Variants in UNK observed in about 807,000 individuals in gnomAD.
The protein encoded by UNK is unk zinc finger, also known as RING finger protein unkempt homolog.
Under a neutral mutation model 97.6 loss-of-function variants are expected in UNK, and 32 were observed. The ratio of observed to expected loss-of-function variants is 0.33; its 90% CI spans 0.25 to 0.44. The LOEUF is 0.44. UNK is among the 20% of genes least tolerant of loss of function. UNK has a pLI of 1.00. For missense variants in UNK, 771 were observed against 1,098.4 expected, an observed-to-expected ratio of 0.70 and a Z score of 4.21; for synonymous variants, 441 against 461.2, an observed-to-expected ratio of 0.96 and a Z score of 0.56.
chr17:75,816,890 C>G lies in UNK; in HGVS notation c.1082C>G (p.Pro361Arg). The change falls in exon 8 of 16, where the codon CCG becomes CGG. Residue 361 changes from proline to arginine, a missense_variant. Physicochemically the swap from Pro to Arg is moderately radical, Grantham distance 103. Coordinates refer to ENST00000589666, the MANE Select transcript of UNK (RefSeq NM_001080419.3). The surrounding 1 kb of genome is among the most constrained non-coding windows in gnomAD (Gnocchi z 4.0). ...GDSVPVSPSSPHAPDLSALLC... is the reference protein window; with the variant it reads ...GDSVPVSPSSRHAPDLSALLC... Reference sequence around the variant, plus strand: ...TCGGTGCCTGTGAGCCCCTCCAGCCCGCATGCCCCTGACCTCAGTGCCGTA... The same window carrying G: ...TCGGTGCCTGTGAGCCCCTCCAGCCGGCATGCCCCTGACCTCAGTGCCGTA... 1 of 1,605,402 alleles carries G rather than the reference C, an allele frequency of 6.2e-7. No individual in the cohort carries two copies. The highest frequency in any genetic ancestry group is 1.3e-5 in the African/African-American group (1 of 75,006).
Position 75,813,893 on chromosome 17 carries a change from AG to A in UNK, c.876+18del. 1 of 1,556,236 alleles carries A rather than the reference AG, an allele frequency of 6.4e-7. No individual in the cohort carries two copies. On this transcript the variant is annotated intron_variant, in intron 6 of 15. Coordinates refer to ENST00000589666, the MANE Select transcript of UNK (RefSeq NM_001080419.3). ...TCCACCCCGAGGTGGGCCCCACAGC[AG>A]GGTGGGGGGGTGGCTTTGGGAAGTA...
intron 1 of UNK, chr17:75,785,241 A>C (rs2061697632): frequency 4.3e-6 from 2 of 469,254 alleles, no homozygotes. Flanking sequence ...TGCAGAGTGC[A>C]CTCTCCCTAG....
chr17:75,821,311 G>A (rs2062065832), intron 13 of UNK: 1 of 450,458 alleles, frequency 2.2e-6, no homozygotes, highest in Non-Finnish European at 4.5e-6. Flanking sequence ...ACAGGTGTAA[G>A]TGCAACAGTC....
At chr17:75,814,729 A>G (rs2062001803) in intron 6 of UNK, among the ~76,000 whole-genome samples, 1 of 152,160 alleles carries the variant, frequency 6.6e-6, no homozygotes, top group Admixed American at 6.5e-5. Context: ...AGACACGCGG[A>G]CAGAAACTAC....
intron 1 of UNK, among the ~76,000 whole-genome samples, chr17:75,799,071 CAA>C (rs764969741): frequency 1.5e-5 from 2 of 135,166 alleles, no homozygotes; most frequent in Admixed American, 7.4e-5. Flanking sequence ...ATCTCAAAAA[CAA>C]AAAAAAAAAA....
intron 13 of UNK, among the ~76,000 whole-genome samples, chr17:75,820,748 G>A (rs77528055): frequency 0.031 from 4,670 of 152,244 alleles, 259 homozygotes; most frequent in African/African-American, 0.11. Flanking sequence ...TGTGTCAGGG[G>A]ATGTTCCTGA....
rs977543813 is a variant in UNK, at chr17:75,825,068, G to A, written c.*651G>A. On this transcript the variant is annotated 3_prime_UTR_variant, in exon 16 of 16. Coordinates refer to ENST00000589666, the MANE Select transcript of UNK (RefSeq NM_001080419.3). This position sits in a 1 kb window ranked among gnomAD's most constrained non-coding sequence, Gnocchi z 4.4. The stretch of plus-strand genomic sequence containing the variant: ...TTACCAAATGTTAATTTAGTCTTGG[G>A]GAGAACAGCAAGGGCTGGAGGCCAG... 3.3e-5 allele frequency: 5 copies of A among 152,246 alleles called. No homozygotes were observed. The highest frequency in any genetic ancestry group is 1.2e-4 in the African/African-American group (5 of 41,442). 9.4% of individuals were successfully genotyped at this position (152,246 alleles called of 1,614,324 possible). A position where few individuals can be genotyped will look rare whatever the true frequency, so the allele number is the denominator to read the frequency against.
At chr17:75,799,809 T>C (rs2061839195) in intron 1 of UNK, among the ~76,000 whole-genome samples, 2 of 151,938 alleles carry the variant, frequency 1.3e-5, no homozygotes, top group South Asian at 4.1e-4. Flanking sequence ...AGTATGGAAA[T>C]GTAAGGCTGT....
rs775454452 is a variant in UNK, at chr17:75,818,109, T to C, written c.1312T>C (p.Leu438=). The change falls in exon 10 of 16, where the codon TTA becomes CTA. Residue 438 remains leucine, a synonymous_variant. Transcript: ENST00000589666. The surrounding 1 kb of genome is among the most constrained non-coding windows in gnomAD (Gnocchi z 5.1). ...YLKNFKCQAK[L]KPHSLEPRSQ... The stretch of plus-strand genomic sequence containing the variant: ...CCTGAATTTTCTCTCTCAGGCCAAA[T>C]TAAAACCCCACTCATTAGAGCCCAG... 69 of 1,613,054 alleles carry C rather than the reference T, an allele frequency of 4.3e-5. No individual in the cohort carries two copies. Among genetic ancestry groups the C allele is most frequent in the Non-Finnish European group, 5.5e-5 (65 of 1,179,714 alleles).
chr17:75,786,793 G>A (rs2061715993), intron 1 of UNK, among the ~76,000 whole-genome samples: 1 of 152,164 alleles, frequency 6.6e-6, no homozygotes, highest in Non-Finnish European at 1.5e-5. Flanking sequence ...GGAGGCGGAG[G>A]TGGCAGTGAG....
In UNK at chr17:75,812,103, G is replaced by T. The variant is rs138748128; in HGVS notation, c.315-9G>T. ...GCAAAGTTGAGTGACCCCCACTACC[G>T]TGTTCCAGGTGCCCATTCCTGCACA... On this transcript the variant is annotated splice_polypyrimidine_tract_variant and intron_variant, in intron 2 of 15. Coordinates refer to ENST00000589666, the MANE Select transcript of UNK (RefSeq NM_001080419.3). The T allele has an allele frequency of 6.3e-7, 1 of 1,589,914 alleles. No individual in the cohort carries two copies. Among genetic ancestry groups the T allele is most frequent in the Non-Finnish European group, 8.6e-7 (1 of 1,165,046 alleles).
Position 75,818,357 on chromosome 17 carries a change from G to A in UNK, c.1371+189G>A, listed in dbSNP as rs1378642129. Reference sequence around the variant, plus strand: ...TGGAGCCCCTCACCTCCTAGACTCAGTGGAGAAGGTGTTCCTGGAGCCTCT... The same window carrying A: ...TGGAGCCCCTCACCTCCTAGACTCAATGGAGAAGGTGTTCCTGGAGCCTCT... On this transcript the variant is annotated intron_variant, in intron 10 of 15. Transcript: ENST00000589666. The surrounding 1 kb of genome is among the most constrained non-coding windows in gnomAD (Gnocchi z 5.1). Among the ~76,000 whole-genome samples, 1 of 152,192 alleles carries A rather than the reference G, an allele frequency of 6.6e-6. No homozygotes were observed. Among genetic ancestry groups the A allele is most frequent in the African/African-American group, 2.4e-5 (1 of 41,454 alleles).
At chr17:75,792,878 T>C (rs1483579218) in intron 1 of UNK, among the ~76,000 whole-genome samples, 1 of 152,244 alleles carries the variant, frequency 6.6e-6, no homozygotes, top group East Asian at 1.9e-4. Flanking sequence ...CCTCTTACCA[T>C]AGAGAGGGCT....
chr17:75,808,561 C>A (rs562818777), intron 1 of UNK, among the ~76,000 whole-genome samples: 1 of 152,272 alleles, frequency 6.6e-6, no homozygotes, highest in East Asian at 1.9e-4. Context: ...TCTTCATCCA[C>A]TAGTACCTCT....
chr17:75,816,429 A>T lies in UNK; in HGVS notation c.962-341A>T, dbSNP rs1174801225. Reference sequence around the variant, plus strand: ...CATAAGGAAGTGATTCAGGCTTTGGAGTTGTACAGATCAGCGTTCAAGACC... The same window carrying T: ...CATAAGGAAGTGATTCAGGCTTTGGTGTTGTACAGATCAGCGTTCAAGACC... On this transcript the variant is annotated intron_variant, in intron 7 of 15. Transcript: ENST00000589666. The surrounding 1 kb of genome is among the most constrained non-coding windows in gnomAD (Gnocchi z 4.0). Among the ~76,000 whole-genome samples, 2 of 152,142 alleles carry T rather than the reference A, an allele frequency of 1.3e-5. No homozygotes were observed. Among genetic ancestry groups the T allele is most frequent in the Non-Finnish European group, 2.9e-5 (2 of 68,026 alleles).
rs376580071 is a variant in UNK at position 75,818,800 on chromosome 17, G to A, written c.1530G>A (p.Thr510=). 1.3e-4 allele frequency: 208 copies of A among 1,606,848 alleles called. No individual in the cohort carries two copies. The highest frequency in any genetic ancestry group is 1.6e-4 in the Non-Finnish European group (190 of 1,176,210). ...NALPFYPTSD[T]VESVIESALD... The stretch of plus-strand genomic sequence containing the variant: ...TGCCCTTCTACCCCACCAGCGACAC[G>A]GTAGAGTCAGTCATAGGTAACTAGG... Residue 510 remains threonine (T), a synonymous_variant, in exon 11 of 16, where the codon ACG becomes ACA. Coordinates refer to ENST00000589666, the MANE Select transcript of UNK (RefSeq NM_001080419.3). This position sits in a 1 kb window ranked among gnomAD's most constrained non-coding sequence, Gnocchi z 5.1.
At chr17:75,813,920 A>C in intron 6 of UNK, 42 bp downstream of exon 6, 1 of 1,513,044 alleles carries the variant, frequency 6.6e-7, no homozygotes, top group Non-Finnish European at 8.9e-7. Flanking sequence ...TTGGGAAGTA[A>C]GGAGAGAGGC....
In UNK at chr17:75,784,950, C is replaced by T. The variant is rs1464435604; in HGVS notation, c.70C>T (p.Leu24=). The change falls in exon 1 of 16, where the codon CTG becomes TTG. Residue 24 remains leucine, a synonymous_variant. Transcript: ENST00000589666. ...GCCCCCGGCCGCTACCGCTCAGGTG[C>T]TGCAGGCACAGCCCGAGAAACCGCA... ...SAPPAATAQV[L]QAQPEKPQHY... The T allele has an allele frequency of 1.3e-6, 2 of 1,537,522 alleles. No individual in the cohort carries two copies. The highest frequency in any genetic ancestry group is 1.7e-6 in the Non-Finnish European group (2 of 1,145,326).
At chr17:75,797,461 C>T (rs928899743) in intron 1 of UNK, among the ~76,000 whole-genome samples, 1 of 152,272 alleles carries the variant, frequency 6.6e-6, no homozygotes, top group Admixed American at 6.5e-5. Context: ...TCTCGAACTC[C>T]TGACCTCAGG....
Sources: allele counts gnomAD v4.1 joint callset (sites outside exome capture counted in the v4.1 genomes callset), GRCh38; gene constraint gnomAD v4.1.1; non-coding constraint Gnocchi (gnomAD v3.1); transcripts MANE v1.5; gene names NCBI Gene and HGNC (gene_info 2026-07-23, HGNC 2026-07-21).